Variants in C12orf42 observed in about 807,000 individuals in gnomAD.
C12orf42 encodes the protein chromosome 12 open reading frame 42.
A neutral mutation model predicts 21.6 loss-of-function variants in C12orf42; 25 were observed. The ratio of observed to expected loss-of-function variants is 1.16; its 90% CI spans 0.84 to 1.62. The LOEUF is 1.62. C12orf42 is among the 40% of genes most tolerant of loss of function. The probability of loss-of-function intolerance (pLI) is 0.00; values close to 1 mark genes in which losing one functional copy is unlikely to be tolerated. For missense variants in C12orf42, 483 were observed against 459.3 expected (o/e 1.05, Z -0.47); for synonymous variants, 174 against 175.0 (o/e 0.99, Z 0.05).
intron 2 of C12orf42, among the ~76,000 whole-genome samples, chr12:103,443,920 A>G (rs1951418538): frequency 6.6e-6 from 1 of 152,084 alleles, no homozygotes; most frequent in Admixed American, 6.6e-5. Flanking sequence ...TTAATTAGCT[A>G]TTTCCAGATT....
In C12orf42 at chr12:103,327,231, G is replaced by A. The variant is rs2040796587; in HGVS notation, c.260-20886C>T. ...AAAGAAGTGGTTTTCAAGCTTCAGTGAACGAGAGTACAGCTTTTGTGTCAG... is the reference window on the plus strand; with the variant it reads ...AAAGAAGTGGTTTTCAAGCTTCAGTAAACGAGAGTACAGCTTTTGTGTCAG... On this transcript the variant is annotated intron_variant, in intron 4 of 5. Transcript: ENST00000548883. Among the ~76,000 whole-genome samples the A allele has an allele frequency of 2.6e-5, 4 of 152,088 alleles. No homozygotes were observed. In the South Asian group the frequency reaches 8.3e-4, roughly 32 times the overall value.
chr12:103,277,370 C>T (rs898957627), intron 4 of C12orf42, among the ~76,000 whole-genome samples: 1 of 152,168 alleles, frequency 6.6e-6, no homozygotes, highest in Non-Finnish European at 1.5e-5. Flanking sequence ...CATTATGTTA[C>T]ATTTCTGCAA....
At chr12:103,549,473 C>T in the C12orf42 span, 1 of 152,090 alleles carries the variant, frequency 6.6e-6, no homozygotes, top group South Asian at 2.1e-4. Context: ...GTGTGCAGAT[C>T]GTTTTCATGT....
In C12orf42 at chr12:103,241,080, A is replaced by AG. The variant is rs545291634; in HGVS notation, c.*1367-3179_*1367-3178insC. Among the ~76,000 whole-genome samples the AG allele has an allele frequency of 5.9e-5, 9 of 152,254 alleles. No homozygotes were observed. The South Asian group carries it at 1.7e-3, about 28-fold the overall frequency. On this transcript the variant is annotated intron_variant and NMD_transcript_variant, in intron 10 of 10. Coordinates refer to the C12orf42 transcript ENST00000547347. ...TTCTATTAACCTACATTTTTAGAAA[A>AG]AGAGGGCATACTTATTGACAAAGAA...
At chr12:103,285,171 CT>C (rs1291878133) in intron 4 of C12orf42, among the ~76,000 whole-genome samples, 8 of 152,294 alleles carry the variant, frequency 5.3e-5, no homozygotes, top group Admixed American at 1.3e-4. Flanking sequence ...TTGGAAGATA[CT>C]TAGTTGTATA....
At chr12:103,141,037 A>C in the C12orf42 span, among the ~76,000 whole-genome samples, 1 of 152,220 alleles carries the variant, frequency 6.6e-6, no homozygotes, top group African/African-American at 2.4e-5. Context: ...CTTCAGCATA[A>C]GGTGAAAGGA....
At chr12:103,269,457 C>T (rs1228102907) in intron 6 of C12orf42, among the ~76,000 whole-genome samples, 1 of 152,118 alleles carries the variant, frequency 6.6e-6, no homozygotes, top group Non-Finnish European at 1.5e-5. Context: ...TAACAACAGT[C>T]ATGATCATAA....
chr12:103,066,450 T>C, the C12orf42 span, among the ~76,000 whole-genome samples: 1 of 152,126 alleles, frequency 6.6e-6, no homozygotes. Context: ...CTATGATCAG[T>C]TGACAGAGGA....
At chr12:103,554,519 G>A in the C12orf42 span, among the ~76,000 whole-genome samples, 1 of 152,006 alleles carries the variant, frequency 6.6e-6, no homozygotes, top group Non-Finnish European at 1.5e-5. Flanking sequence ...ATTTGGGGGT[G>A]CATTAGTTTG....
At chr12:103,074,931 T>TAAA in the C12orf42 span, among the ~76,000 whole-genome samples, 1 of 151,584 alleles carries the variant, frequency 6.6e-6, no homozygotes, top group Non-Finnish European at 1.5e-5. Context: ...ACAAAAATAA[T>TAAA]AAAAAAAATT....
the C12orf42 span, among the ~76,000 whole-genome samples, chr12:103,049,789 C>T: frequency 6.6e-6 from 1 of 152,164 alleles, no homozygotes; most frequent in Non-Finnish European, 1.5e-5. Flanking sequence ...GAATGCCTTT[C>T]CCCTAGGTAA....
At chr12:103,300,854 C>T (rs78417247), downstream of C12orf42, among the ~76,000 whole-genome samples, 256 of 152,106 alleles carry the variant, frequency 1.7e-3, no homozygotes, top group African/African-American at 5.7e-3. Context: ...ACATTGATAA[C>T]CTGTACATTG....
the C12orf42 span, among the ~76,000 whole-genome samples, chr12:103,201,907 TAAGC>T: frequency 2.0e-5 from 3 of 152,168 alleles, no homozygotes; most frequent in South Asian, 6.2e-4. Context: ...AAATATAAAA[TAAGC>T]AAGTAATAAG....
the C12orf42 span, among the ~76,000 whole-genome samples, chr12:103,136,071 T>A: frequency 0.36 from 53,797 of 151,512 alleles, 9,992 homozygotes; most frequent in East Asian, 0.48. Context: ...GAGGCAAAAA[T>A]AAAACCATCC....
chr12:103,514,344 T>C, the C12orf42 span, among the ~76,000 whole-genome samples: 1 of 152,154 alleles, frequency 6.6e-6, no homozygotes, highest in South Asian at 2.1e-4. Flanking sequence ...GGGAGACCTC[T>C]CTGAAAAGGC....
intron 4 of C12orf42, among the ~76,000 whole-genome samples, chr12:103,368,577 T>C (rs2044852512): frequency 6.6e-6 from 1 of 152,088 alleles, no homozygotes; most frequent in Admixed American, 6.6e-5. Flanking sequence ...AAGAATCGAA[T>C]ATGCCTATAG....
At chr12:103,507,886 T>C in the C12orf42 span, among the ~76,000 whole-genome samples, 8 of 152,138 alleles carry the variant, frequency 5.3e-5, no homozygotes, top group African/African-American at 1.9e-4. Flanking sequence ...CAGAGAATAT[T>C]TGATGACTTC....
At chr12:103,344,022 T>C (rs2042399122) in intron 4 of C12orf42, among the ~76,000 whole-genome samples, 1 of 152,150 alleles carries the variant, frequency 6.6e-6, no homozygotes, top group Non-Finnish European at 1.5e-5. Flanking sequence ...TTGATCTTTT[T>C]CATCTTCCAA....
At chr12:103,209,676 C>A in the C12orf42 span, among the ~76,000 whole-genome samples, 155 of 152,290 alleles carry the variant, frequency 1.0e-3, no homozygotes, top group African/African-American at 3.6e-3. Flanking sequence ...GAAACTCACT[C>A]CTAAAATTAT....
Sources: gnomAD v4.1 joint callset for allele counts (sites outside exome capture counted in the v4.1 genomes callset) on GRCh38, gnomAD v4.1.1 for gene constraint, MANE v1.5 for transcripts, NCBI Gene and HGNC (gene_info 2026-07-23, HGNC 2026-07-21) for gene names.